The following FRMD4A variants were observed in gnomAD, a reference collection of about 807,000 sequenced individuals.
The protein encoded by FRMD4A is FERM domain-containing protein 4A.
FRMD4A carries 29 observed loss-of-function variants against 129.1 expected under a neutral mutation model. That is an observed-to-expected ratio of 0.22 (90% CI 0.17 to 0.31). The LOEUF is 0.31. Among genes scored for constraint, FRMD4A ranks in the 10% least tolerant of loss-of-function variants. The probability of loss-of-function intolerance (pLI) is 1.00; values close to 1 mark genes in which losing one functional copy is unlikely to be tolerated. For synonymous variants in FRMD4A, 634 were observed against 571.6 expected, an observed-to-expected ratio of 1.11 and a Z score of -1.56; for missense variants, 1,272 against 1,375.8, an observed-to-expected ratio of 0.92 and a Z score of 1.19.
chr10:14,022,451 T>C (rs1399157822), intron 2 of FRMD4A, among the ~76,000 whole-genome samples: 1 of 152,240 alleles, frequency 6.6e-6, no homozygotes, highest in Non-Finnish European at 1.5e-5. Context: ...TTGTGTGATC[T>C]GGCCCAAACT....
At chr10:14,232,446 G>GT (rs749346515) in intron 2 of FRMD4A, among the ~76,000 whole-genome samples, 22 of 152,178 alleles carry the variant, frequency 1.4e-4, no homozygotes, top group African/African-American at 4.6e-4. Flanking sequence ...TTTTAGAATA[G>GT]TTTTTTCTAA....
chr10:13,937,012 A>C (rs1194631242), intron 2 of FRMD4A, among the ~76,000 whole-genome samples: 1 of 152,202 alleles, frequency 6.6e-6, no homozygotes, highest in Non-Finnish European at 1.5e-5. Flanking sequence ...GCAGGCATGC[A>C]TTGCCCTTCT....
chr10:14,073,317 G>A (rs1173875866), intron 2 of FRMD4A, among the ~76,000 whole-genome samples: 2 of 152,164 alleles, frequency 1.3e-5, no homozygotes, highest in Admixed American at 1.3e-4. Flanking sequence ...CAAGGTGACA[G>A]ATGGGATGAA....
intron 2 of FRMD4A, among the ~76,000 whole-genome samples, chr10:14,202,799 A>ATC (rs779305606): frequency 1.3e-5 from 2 of 151,370 alleles, no homozygotes; most frequent in African/African-American, 2.4e-5. Context: ...TTGAAACAAG[A>ATC]TCTCTCTCTG....
intron 6 of FRMD4A, among the ~76,000 whole-genome samples, chr10:13,763,943 G>C (rs1457898198): frequency 3.3e-5 from 5 of 152,056 alleles, no homozygotes; most frequent in Non-Finnish European, 7.3e-5. Flanking sequence ...GGTTGGCCAG[G>C]CTGGTCTGGA....
intron 2 of FRMD4A, chr10:14,097,098 C>T (rs1837007062): frequency 8.0e-6 from 1 of 124,224 alleles, no homozygotes. Flanking sequence ...TCCAAGATGG[C>T]ACCATTGCCC....
intron 7 of FRMD4A, among the ~76,000 whole-genome samples, chr10:13,762,337 A>G (rs2092107545): frequency 6.6e-6 from 1 of 152,218 alleles, no homozygotes. Context: ...TACCAAACCC[A>G]AAGAAAATGG....
intron 2 of FRMD4A, among the ~76,000 whole-genome samples, chr10:14,137,830 T>G (rs1229901650): frequency 6.6e-6 from 1 of 152,200 alleles, no homozygotes; most frequent in Non-Finnish European, 1.5e-5. Context: ...TTTTTTTCCT[T>G]GCCTCTCCTC....
intron 15 of FRMD4A, among the ~76,000 whole-genome samples, chr10:13,681,677 T>TA (rs1300822699): frequency 2.6e-5 from 4 of 152,168 alleles, no homozygotes; most frequent in African/African-American, 9.7e-5. Flanking sequence ...TAGCTTCCTC[T>TA]AAAGCCAAAG....
intron 17 of FRMD4A, among the ~76,000 whole-genome samples, chr10:13,668,656 G>A (rs1272343058): frequency 1.3e-5 from 2 of 152,172 alleles, no homozygotes; most frequent in South Asian, 2.1e-4. Context: ...AAAGTCCCGC[G>A]GTACTGAGAT....
intron 2 of FRMD4A, among the ~76,000 whole-genome samples, chr10:14,194,597 C>T (rs10737085): frequency 0.91 from 138,672 of 152,160 alleles, 64,110 homozygotes; most frequent in Non-Finnish European, 0.99. Context: ...GGCGACACAG[C>T]GAGACTCTGT....
intron 2 of FRMD4A, among the ~76,000 whole-genome samples, chr10:14,256,491 T>C (rs933392680): frequency 2.6e-5 from 4 of 152,178 alleles, no homozygotes; most frequent in African/African-American, 9.7e-5. Flanking sequence ...TGGAAAATTT[T>C]TCTAAATTTT....
chr10:14,023,300 T>C (rs866886862), intron 2 of FRMD4A, among the ~76,000 whole-genome samples: 3 of 152,006 alleles, frequency 2.0e-5, no homozygotes, highest in African/African-American at 7.3e-5. Flanking sequence ...CAGCACAATG[T>C]TGCCTCAATT....
chr10:13,997,425 TCA>T (rs1278828787), intron 2 of FRMD4A, among the ~76,000 whole-genome samples: 1 of 152,156 alleles, frequency 6.6e-6, no homozygotes, highest in African/African-American at 2.4e-5. Flanking sequence ...GCATTATTCA[TCA>T]CTTCCTCTGC....
At chr10:14,261,305 G>T (rs1372605742) in intron 2 of FRMD4A, among the ~76,000 whole-genome samples, 1 of 152,182 alleles carries the variant, frequency 6.6e-6, no homozygotes, top group African/African-American at 2.4e-5. Context: ...TATACATGAT[G>T]GGTTAAATAG....
intron 2 of FRMD4A, among the ~76,000 whole-genome samples, chr10:14,090,641 C>T (rs1364608320): frequency 3.3e-5 from 5 of 152,158 alleles, no homozygotes; most frequent in Non-Finnish European, 7.4e-5. Flanking sequence ...TGGAACCATA[C>T]AGCAATGAGG....
At chr10:13,984,097 T>C (rs2095572457) in intron 2 of FRMD4A, among the ~76,000 whole-genome samples, 3 of 152,062 alleles carry the variant, frequency 2.0e-5, no homozygotes. Flanking sequence ...TGAGGGCCCC[T>C]TCCTGAGTCT....
rs1030870415 is a variant in FRMD4A at position 13,654,291 on chromosome 10, G to T, written c.3050+125C>A. 8 of 735,590 alleles carry T rather than the reference G, an allele frequency of 1.1e-5. No homozygotes were observed. In the African/African-American group the frequency reaches 1.4e-4, roughly 13 times the overall value. 45.6% of individuals were successfully genotyped at this position (735,590 alleles called of 1,614,324 possible). ...CAGATCATGGGGCTTCTCTTGAAAG[G>T]AAGACACCTCCCAGTGATGAACCCT... On this transcript the variant is annotated intron_variant, in intron 23 of 24. Transcript: ENST00000357447.
At chr10:13,796,392 C>G in intron 5 of FRMD4A, 104 bp downstream of exon 5, 4 of 714,120 alleles carry the variant, frequency 5.6e-6, no homozygotes, top group Non-Finnish European at 2.6e-6. Context: ...TGGCAATGAA[C>G]CAAGACAAAC....
Sources: allele counts gnomAD v4.1 joint callset (sites outside exome capture counted in the v4.1 genomes callset), GRCh38; gene constraint gnomAD v4.1.1; transcripts MANE v1.5; gene names NCBI Gene and HGNC (gene_info 2026-07-23, HGNC 2026-07-21).